ITGA5: variants seen among roughly 807,000 people sequenced by gnomAD.
ITGA5 encodes the protein integrin subunit alpha 5.
In ITGA5, 55 loss-of-function variants were observed where a neutral mutation model predicts 146.3. The observed-to-expected ratio is 0.38, with a 90% CI of 0.30 to 0.47. The LOEUF (loss-of-function observed/expected upper bound fraction) is 0.47. ITGA5 is among the 20% of genes least tolerant of loss of function. The probability of loss-of-function intolerance (pLI) is 0.99; values close to 1 mark genes in which losing one functional copy is unlikely to be tolerated. For missense variants in ITGA5, 1,131 were observed against 1,329.0 expected (o/e 0.85, Z 2.32); for synonymous variants, 500 against 531.8 (o/e 0.94, Z 0.82).
At chr12:54,402,468 G>A (rs1028013181) in intron 19 of ITGA5, 138 bp from the exon 20 acceptor site, 24 of 711,996 alleles carry the variant, frequency 3.4e-5, no homozygotes, top group Non-Finnish European at 5.3e-5. Context: ...AGGCTGAGGC[G>A]GGTGGATCAC....
Position 54,403,218 on chromosome 12 carries a change from T to C in ITGA5, c.1883A>G (p.His628Arg), listed in dbSNP as rs773650096. ...CTCTATCCGGCTCTTGCTCTGATAATGTAGGGCTGGCCTGAGGCCGTGGCT... is the reference window on the plus strand; with the variant it reads ...CTCTATCCGGCTCTTGCTCTGATAACGTAGGGCTGGCCTGAGGCCGTGGCT... ...VDSHGLRPAL[H>R]YQSKSRIEDK... Residue 628 changes from histidine to arginine, a missense_variant, in exon 18 of 30, where the codon CAT (histidine) becomes CGT (arginine). Physicochemically the swap from His to Arg is conservative, Grantham distance 29 (BLOSUM62 0). Coordinates refer to ENST00000293379, the MANE Select transcript of ITGA5 (RefSeq NM_002205.5). This position sits in a 1 kb window ranked among gnomAD's most constrained non-coding sequence, Gnocchi z 4.9. 6.4e-7 allele frequency: 1 copy of C among 1,566,102 alleles called. No individual in the cohort carries two copies.
In ITGA5 at chr12:54,401,163, G is replaced by A. The variant is rs961149855; in HGVS notation, c.2494-168C>T. On this transcript the variant is annotated intron_variant, in intron 24 of 29. Coordinates refer to ENST00000293379, the MANE Select transcript of ITGA5 (RefSeq NM_002205.5). The surrounding 1 kb of genome is among the most constrained non-coding windows in gnomAD (Gnocchi z 5.0). ...AAATCCTCTCTAGCCAACACTTTTG[G>A]AGGGGGCTCCATCTTTCTTTCCAAG... is the stretch of plus-strand genomic sequence containing the variant. 1.3e-5 allele frequency among the ~76,000 whole-genome samples: 2 copies of A among 152,192 alleles called. No individual in the cohort carries two copies. Among genetic ancestry groups the A allele is most frequent in the African/African-American group, 4.8e-5 (2 of 41,434 alleles).
At position 54,403,787 on chromosome 12, in the gene ITGA5, C is replaced by G. The variant is rs12426629; in HGVS notation, c.1622-8G>C. ...GAAGTTCCACTGTGAAACCTGAAGC[C>G]AGGGACATATAAAGGGAAACTGCCT... is the stretch of plus-strand genomic sequence containing the variant. On this transcript the variant is annotated splice_region_variant and splice_polypyrimidine_tract_variant and intron_variant, in intron 16 of 29. Coordinates refer to ENST00000293379, the MANE Select transcript of ITGA5 (RefSeq NM_002205.5). The surrounding 1 kb of genome is among the most constrained non-coding windows in gnomAD (Gnocchi z 4.9). 95,716 of 1,613,516 alleles carry G rather than the reference C, an allele frequency of 0.059. 5,103 individuals carry two copies. The highest frequency in any genetic ancestry group is 0.22 in the South Asian group (20,010 of 91,062).
intron 28 of ITGA5, 145 bp downstream of exon 28, chr12:54,398,452 C>T (rs1186961156): frequency 1.7e-6 from 1 of 596,608 alleles, no homozygotes; most frequent in East Asian, 3.4e-5. Flanking sequence ...ACCACTCTGT[C>T]TCTGGCATCT....
intron 8 of ITGA5, 50 bp from the exon 9 acceptor site, chr12:54,407,742 G>C (rs1473706426): frequency 4.4e-6 from 7 of 1,605,744 alleles, no homozygotes; most frequent in African/African-American, 1.3e-5. Flanking sequence ...AAGGGAAGCA[G>C]ATAATGGTAA....
chr12:54,406,173 G>T, intron 9 of ITGA5: 1 of 574,138 alleles, frequency 1.7e-6, no homozygotes, highest in Non-Finnish European at 3.1e-6. Flanking sequence ...TTATCTGTTC[G>T]TTGTCCCTCT....
Position 54,405,250 on chromosome 12 carries a change from G to C in ITGA5, c.1141C>G (p.Leu381Val). Residue 381 changes from leucine (L) to valine (V), a missense_variant, in exon 12 of 30, where the codon CTT becomes GTT. Leu to Val is a conservative substitution (Grantham distance 32). Around this residue, in one of 3 missense-constraint regions of ITGA5, gnomAD observed 889 missense variants for 1,021.5 expected, o/e 0.87. Coordinates refer to ENST00000293379, the MANE Select transcript of ITGA5 (RefSeq NM_002205.5). ...AACTCATCATGGCCAGTGAGGGTAA[G>C]GGTGGGCGTGGGCTCTATGCCGGCT... ...HPAGIEPTPT[L>V]TLTGHDEFGR... is the part of the protein sequence containing the mutation. The C allele has an allele frequency of 6.2e-7, 1 of 1,613,924 alleles. No homozygotes were observed. The highest frequency in any genetic ancestry group is 8.5e-7 in the Non-Finnish European group (1 of 1,179,876).
chr12:54,398,751 A>T, intron 27 of ITGA5, 53 bp from the exon 28 acceptor site: 1 of 1,242,502 alleles, frequency 8.0e-7, no homozygotes, highest in Non-Finnish European at 1.1e-6. Context: ...TCCAGAGGAC[A>T]TAGGGTTCCC....
At position 54,405,272 on chromosome 12, in the gene ITGA5, G is replaced by A. The variant is rs766074142; in HGVS notation, c.1119C>T (p.Ala373=). The change falls in exon 12 of 30, where the codon GCC becomes GCT. Residue 373 remains alanine, a synonymous_variant. Coordinates refer to ENST00000293379, the MANE Select transcript of ITGA5 (RefSeq NM_002205.5). ...GRVYVYLQHP[A]GIEPTPTLTL... ...TAAGGGTGGGCGTGGGCTCTATGCC[G>A]GCTGGGTGCTGCAGGTAGACGTAGA... 2.0e-5 allele frequency: 32 copies of A among 1,613,776 alleles called. No homozygotes were observed. The highest frequency in any genetic ancestry group is 2.7e-5 in the African/African-American group (2 of 74,912).
chr12:54,408,948 C>A lies in ITGA5; in HGVS notation c.590G>T (p.Ser197Ile). The A allele has an allele frequency of 6.2e-7, 1 of 1,614,012 alleles. No homozygotes were observed. The highest frequency in any genetic ancestry group is 8.5e-7 in the Non-Finnish European group (1 of 1,179,986). Residue 197 changes from serine to isoleucine, a missense_variant, in exon 5 of 30, where the codon AGC (serine) becomes ATC (isoleucine). This residue lies in a region of ITGA5 where 67 missense variants were observed against 128.2 expected (regional missense o/e 0.52). Coordinates refer to ENST00000293379, the MANE Select transcript of ITGA5 (RefSeq NM_002205.5). ...GCAGTAACCCTGTCCTGCTGCCCAG[C>A]TGAAATCTGTGAGGGGAGAAGGTGG... The part of the protein sequence containing the change: ...LEYAPCRSDF[S>I]WAAGQGYCQG...
At chr12:54,398,834 T>TA in intron 27 of ITGA5, 136 bp from the exon 28 acceptor site, 1 of 321,358 alleles carries the variant, frequency 3.1e-6, no homozygotes. Flanking sequence ...TCTCTCTCTC[T>TA]CTTTTTTTTT....
rs1419822149 is a variant in ITGA5 at position 54,419,207 on chromosome 12, C to G, written c.-9G>C. Reference sequence around the variant, plus strand: ...GGCGTCCGGCTCCCCATAGCGCCCGCTCTTCCCTGTCCTGGGGCCACCGAC... The same window carrying G: ...GGCGTCCGGCTCCCCATAGCGCCCGGTCTTCCCTGTCCTGGGGCCACCGAC... On this transcript the variant is annotated 5_prime_UTR_variant, in exon 1 of 30. Transcript: ENST00000293379. The G allele has an allele frequency of 1.3e-6, 2 of 1,553,416 alleles. No homozygotes were observed. Among genetic ancestry groups the G allele is most frequent in the East Asian group, 2.4e-5 (1 of 41,176 alleles).
rs538646937 is a variant in ITGA5 at position 54,406,138 on chromosome 12, C to T, written c.907-212G>A. 1.2e-5 allele frequency: 7 copies of T among 598,150 alleles called. No individual in the cohort carries two copies. In the South Asian group the frequency reaches 1.2e-4, roughly 10 times the overall value. 37.1% of individuals were successfully genotyped at this position (598,150 alleles called of 1,614,324 possible). Reference sequence around the variant, plus strand: ...CTTCACTATTTTTCTCCCTATCAATCACCAACCACTGACAGATTTTGTATT... The same window carrying T: ...CTTCACTATTTTTCTCCCTATCAATTACCAACCACTGACAGATTTTGTATT... On this transcript the variant is annotated intron_variant, in intron 9 of 29. Coordinates refer to ENST00000293379, the MANE Select transcript of ITGA5 (RefSeq NM_002205.5).
Position 54,402,011 on chromosome 12 carries a change from G to C in ITGA5, c.2216C>G (p.Ala739Gly), listed in dbSNP as rs1446431138. Reference protein sequence around the residue: ...LVCDLGNPMKAGASLWGGLRF... With the variant: ...LVCDLGNPMKGGASLWGGLRF... ...TCATCCCAAACTTACACTGGCTCCT[G>C]CCTTCATGGGGTTGCCCAGGTCACA... is the stretch of plus-strand genomic sequence containing the variant. The change falls in exon 21 of 30, where the codon GCA (alanine) becomes GGA (glycine). Residue 739 changes from alanine to glycine, a missense_variant. This residue lies in a region of ITGA5 where 889 missense variants were observed against 1,021.5 expected (regional missense o/e 0.87). Coordinates refer to ENST00000293379, the MANE Select transcript of ITGA5 (RefSeq NM_002205.5). 35 of 1,613,940 alleles carry C rather than the reference G, an allele frequency of 2.2e-5. No individual in the cohort carries two copies. Among genetic ancestry groups the C allele is most frequent in the Non-Finnish European group, 2.7e-5 (32 of 1,179,976 alleles).
At chr12:54,408,863 G>A (rs1592290497) in intron 5 of ITGA5, 30 bp downstream of exon 5, 9 of 1,613,284 alleles carry the variant, frequency 5.6e-6, no homozygotes, top group South Asian at 2.2e-5. Context: ...CACCACCCAC[G>A]GCCCCTTCTC....
In ITGA5 at chr12:54,411,921, G is replaced by T; in HGVS notation, c.262C>A (p.Pro88Thr). Residue 88 changes from proline to threonine, a missense_variant, in exon 2 of 30, where the codon CCA (proline) becomes ACA (threonine). This residue lies in a region of ITGA5 where 175 missense variants were observed against 179.3 expected (regional missense o/e 0.98). Transcript: ENST00000293379. ...ACAGCACCACCCTGCAGCACTCCTG[G>T]CTGGCTGGTATTAGCCTTGGGTGCT... ...VGAPKANTSQPGVLQGGAVYL... is the reference protein window; with the variant it reads ...VGAPKANTSQTGVLQGGAVYL... 1 of 1,605,156 alleles carries T rather than the reference G, an allele frequency of 6.2e-7. No individual in the cohort carries two copies. Among genetic ancestry groups the T allele is most frequent in the Non-Finnish European group, 8.5e-7 (1 of 1,175,558 alleles).
chr12:54,414,062 C>T (rs763153604), intron 1 of ITGA5, among the ~76,000 whole-genome samples: 14 of 152,200 alleles, frequency 9.2e-5, no homozygotes, highest in East Asian at 3.8e-4. Context: ...ATATCCATTC[C>T]GGCTGTGCGA....
chr12:54,407,642 G>T lies in ITGA5; in HGVS notation c.906+7C>A, dbSNP rs745609247. The T allele has an allele frequency of 8.7e-6, 14 of 1,610,934 alleles. No homozygotes were observed. In the Admixed American group the frequency reaches 2.3e-4, roughly 27 times the overall value. On this transcript the variant is annotated splice_region_variant and intron_variant, in intron 9 of 29. Transcript: ENST00000293379. Reference sequence around the variant, plus strand: ...GAGAGGAAGTGAGGGGTCAGGCTGGGTCTTACATAGCCGTAAGTGAGGTTC... The same window carrying T: ...GAGAGGAAGTGAGGGGTCAGGCTGGTTCTTACATAGCCGTAAGTGAGGTTC...
At position 54,403,096 on chromosome 12, in the gene ITGA5, T is replaced by C; in HGVS notation, c.1915-46A>G. The C allele has an allele frequency of 6.2e-7, 1 of 1,612,420 alleles. No homozygotes were observed. The highest frequency in any genetic ancestry group is 2.2e-5 in the East Asian group (1 of 44,868). Reference sequence around the variant, plus strand: ...GAGAGGGGAAGTTTAGACCCATTCCTGGGCTGTAGGCTCTTCTCTTTCCAT... The same window carrying C: ...GAGAGGGGAAGTTTAGACCCATTCCCGGGCTGTAGGCTCTTCTCTTTCCAT... On this transcript the variant is annotated intron_variant, in intron 18 of 29. Coordinates refer to ENST00000293379, the MANE Select transcript of ITGA5 (RefSeq NM_002205.5). This position sits in a 1 kb window ranked among gnomAD's most constrained non-coding sequence, Gnocchi z 4.9.
Sources: gnomAD v4.1 joint callset for allele counts (sites outside exome capture counted in the v4.1 genomes callset) on GRCh38, gnomAD v4.1.1 for gene constraint, gnomAD v4.1.1 regional missense constraint, Gnocchi (gnomAD v3.1) non-coding constraint, MANE v1.5 for transcripts, NCBI Gene and HGNC (gene_info 2026-07-23, HGNC 2026-07-21) for gene names.